Variants in PAPPA2 observed in about 807,000 individuals in gnomAD.
PAPPA2 encodes the protein pappalysin 2, also known as pappalysin-2.
A neutral mutation model predicts 176.4 loss-of-function variants in PAPPA2; 86 were observed. That is an observed-to-expected ratio of 0.49 (90% CI 0.41 to 0.58). PAPPA2 has a LOEUF of 0.58. Ranked by LOEUF, PAPPA2 falls within the 20% of genes least tolerant of loss-of-function variation. The pLI, the probability that PAPPA2 is intolerant of heterozygous loss-of-function variation, is 0.00. For missense variants in PAPPA2, 2,073 were observed against 2,256.9 expected (o/e 0.92, Z 1.65); for synonymous variants, 809 against 852.2 (o/e 0.95, Z 0.88).
At chr1:176,633,856 T>C (rs1404016318) in intron 3 of PAPPA2, among the ~76,000 whole-genome samples, 1 of 152,220 alleles carries the variant, frequency 6.6e-6, no homozygotes, top group Non-Finnish European at 1.5e-5. Flanking sequence ...TCATCATCAC[T>C]GGCCATCAGA....
At chr1:176,568,749 T>C (rs1051048700) in intron 2 of PAPPA2, among the ~76,000 whole-genome samples, 4 of 152,224 alleles carry the variant, frequency 2.6e-5, no homozygotes, top group African/African-American at 9.6e-5. Context: ...GGTTGGCCTC[T>C]TCAGTTTATT....
intron 2 of PAPPA2, among the ~76,000 whole-genome samples, chr1:176,579,611 A>G (rs1387845818): frequency 1.3e-5 from 2 of 152,146 alleles, no homozygotes; most frequent in African/African-American, 4.8e-5. Context: ...TTAATGTCAC[A>G]CTCACCAGCC....
At chr1:176,793,010 AG>A (rs1665249548) in intron 19 of PAPPA2, among the ~76,000 whole-genome samples, 4 of 152,208 alleles carry the variant, frequency 2.6e-5, no homozygotes, top group African/African-American at 9.6e-5. Context: ...AATTATCTTT[AG>A]TACAGCAATA....
intron 3 of PAPPA2, among the ~76,000 whole-genome samples, chr1:176,657,440 G>T (rs924945071): frequency 1.3e-5 from 2 of 151,976 alleles, no homozygotes; most frequent in African/African-American, 4.8e-5. Context: ...GAAGGAACAT[G>T]ATTAGATCTG....
At chr1:176,749,259 G>T in intron 14 of PAPPA2, among the ~76,000 whole-genome samples, 1 of 152,170 alleles carries the variant, frequency 6.6e-6, no homozygotes, top group East Asian at 1.9e-4. Context: ...ATTTAAAAGA[G>T]CATTGTTGTT....
chr1:176,662,592 C>T (rs188490248), intron 3 of PAPPA2, among the ~76,000 whole-genome samples: 166 of 151,338 alleles, frequency 1.1e-3, no homozygotes, highest in African/African-American at 3.7e-3. Flanking sequence ...TATTTTTTAA[C>T]CATTTTATGC....
chr1:176,634,963 ATAAATAGATAGATAG>A (rs1656603113), intron 3 of PAPPA2, among the ~76,000 whole-genome samples: 5 of 121,794 alleles, frequency 4.1e-5, no homozygotes, highest in African/African-American at 1.2e-4. Flanking sequence ...AGATAGATAG[ATAAATAGATAGATAG>A]ATAGATAGAT....
In PAPPA2 at chr1:176,551,300, G is replaced by A. The variant is rs2294651; in HGVS notation, c.-916-4107G>A. Among the ~76,000 whole-genome samples the A allele has an allele frequency of 4.6e-5, 7 of 152,192 alleles. No individual in the cohort carries two copies. In the South Asian group the frequency reaches 1.0e-3, roughly 23 times the overall value. Reference sequence around the variant, plus strand: ...CATATTGCTGAAATGTTTGTTTCCGGGTGTCATTTTAGACTGCAAGTAGCT... The same window carrying A: ...CATATTGCTGAAATGTTTGTTTCCGAGTGTCATTTTAGACTGCAAGTAGCT... On this transcript the variant is annotated intron_variant, in intron 1 of 22. Coordinates refer to ENST00000367662, the MANE Select transcript of PAPPA2 (RefSeq NM_020318.3).
chr1:176,510,606 A>G (rs1477597776), intron 1 of PAPPA2, among the ~76,000 whole-genome samples: 1 of 152,046 alleles, frequency 6.6e-6, no homozygotes, highest in Non-Finnish European at 1.5e-5. Flanking sequence ...ATAAATAAAA[A>G]ATTTTACTTA....
At chr1:176,777,058 CA>C (rs1196071773) in intron 17 of PAPPA2, among the ~76,000 whole-genome samples, 14 of 152,060 alleles carry the variant, frequency 9.2e-5, no homozygotes, top group African/African-American at 3.4e-4. Flanking sequence ...CAAATCACTT[CA>C]TTTCTCTCAG....
At chr1:176,482,069 C>G (rs1652430076) in intron 1 of PAPPA2, among the ~76,000 whole-genome samples, 1 of 152,184 alleles carries the variant, frequency 6.6e-6, no homozygotes. Context: ...AATACCAAAA[C>G]AAAGAGTTTT....
chr1:176,770,953 T>C lies in PAPPA2; in HGVS notation c.4502-14T>C. 2 of 1,612,484 alleles carry C rather than the reference T, an allele frequency of 1.2e-6. No homozygotes were observed. Among genetic ancestry groups the C allele is most frequent in the Non-Finnish European group, 8.5e-7 (1 of 1,179,060 alleles). On this transcript the variant is annotated splice_polypyrimidine_tract_variant and intron_variant, in intron 16 of 22. Coordinates refer to ENST00000367662, the MANE Select transcript of PAPPA2 (RefSeq NM_020318.3). ...CTGTTCTGAGCATCTTGTGCTTCTCTTTCCTGGAGTCAGGACTGAGCCCAT... is the reference window on the plus strand; with the variant it reads ...CTGTTCTGAGCATCTTGTGCTTCTCCTTCCTGGAGTCAGGACTGAGCCCAT...
intron 21 of PAPPA2, among the ~76,000 whole-genome samples, chr1:176,828,919 T>G (rs1234398424): frequency 6.6e-6 from 1 of 151,872 alleles, no homozygotes; most frequent in African/African-American, 2.4e-5. Flanking sequence ...AGGAGAATCT[T>G]TTGAACCCAG....
At chr1:176,606,074 TAC>T (rs1057254048) in intron 3 of PAPPA2, among the ~76,000 whole-genome samples, 12 of 151,448 alleles carry the variant, frequency 7.9e-5, no homozygotes, top group African/African-American at 2.2e-4. Context: ...TTTATATATA[TAC>T]ACACACACAT....
intron 1 of PAPPA2, among the ~76,000 whole-genome samples, chr1:176,541,302 C>T (rs1017833913): frequency 3.3e-5 from 5 of 152,176 alleles, no homozygotes; most frequent in East Asian, 1.9e-4. Context: ...GCATTAACAG[C>T]GAATACATTT....
chr1:176,593,926 A>G (rs1376994542), intron 2 of PAPPA2, among the ~76,000 whole-genome samples: 2 of 152,216 alleles, frequency 1.3e-5, no homozygotes, highest in African/African-American at 2.4e-5. Context: ...GTGAATGGCT[A>G]TCCTTAGCCA....
chr1:176,674,912 C>T (rs1008474771), intron 4 of PAPPA2, among the ~76,000 whole-genome samples: 1 of 151,930 alleles, frequency 6.6e-6, no homozygotes, highest in Admixed American at 6.6e-5. Context: ...AAAGTGTTCC[C>T]TTTTCACCAC....
At chr1:176,789,746 T>G in intron 17 of PAPPA2, 63 bp from the exon 18 acceptor site, 1 of 1,533,840 alleles carries the variant, frequency 6.5e-7, no homozygotes, top group East Asian at 2.4e-5. Flanking sequence ...TTGCTGAGGA[T>G]CAAGTCTTTC....
At chr1:176,647,816 C>A (rs866459748) in intron 3 of PAPPA2, among the ~76,000 whole-genome samples, 5 of 151,438 alleles carry the variant, frequency 3.3e-5, no homozygotes, top group Admixed American at 2.6e-4. Flanking sequence ...TTTTTCCTTG[C>A]CAGTAACATG....
Sources: gnomAD v4.1 joint callset for allele counts (sites outside exome capture counted in the v4.1 genomes callset) on GRCh38, gnomAD v4.1.1 for gene constraint, MANE v1.5 for transcripts, NCBI Gene and HGNC (gene_info 2026-07-23, HGNC 2026-07-21) for gene names.